CRB2: variants seen among roughly 807,000 people sequenced by gnomAD.
CRB2 encodes crumbs cell polarity complex component 2.
In CRB2, 85 loss-of-function variants were observed where a neutral mutation model predicts 110.9. That is an observed-to-expected ratio of 0.77 (90% confidence interval 0.64 to 0.92). The LOEUF is 0.92. Among genes scored for constraint, CRB2 ranks in the 40% least tolerant of loss-of-function variants. CRB2 has a pLI of 0.00. For missense variants in CRB2, 1,843 were observed against 1,851.3 expected, an observed-to-expected ratio of 1.00 and a Z score of 0.08; for synonymous variants, 907 against 831.0, an observed-to-expected ratio of 1.09 and a Z score of -1.57.
upstream of CRB2, among the ~76,000 whole-genome samples, chr9:123,355,069 C>T (rs2041783306): frequency 1.3e-5 from 2 of 152,220 alleles, no homozygotes; most frequent in South Asian, 4.1e-4. Flanking sequence ...CATGTATTGG[C>T]AGGGGCCGGT....
chr9:123,373,402 C>A lies in CRB2; in HGVS notation c.2871C>A (p.His957Gln). 6.9e-7 allele frequency: 1 copy of A among 1,442,432 alleles called. No homozygotes were observed. Among genetic ancestry groups the A allele is most frequent in the Non-Finnish European group, 9.1e-7 (1 of 1,103,232 alleles). 89.4% of individuals were successfully genotyped at this position (1,442,432 alleles called of 1,614,324 possible). ...PGPRVADGAW[H>Q]RVRLAMERPA... Reference sequence around the variant, plus strand: ...CGCGCGTGGCCGATGGTGCCTGGCACCGCGTGCGTCTGGCCATGGAGCGCC... The same window carrying A: ...CGCGCGTGGCCGATGGTGCCTGGCAACGCGTGCGTCTGGCCATGGAGCGCC... Residue 957 changes from histidine to glutamine, a missense_variant, in exon 10 of 13, where the codon CAC becomes CAA. Coordinates refer to ENST00000373631, the MANE Select transcript of CRB2 (RefSeq NM_173689.7).
Position 123,373,169 on chromosome 9 carries a change from G to C in CRB2, c.2638G>C (p.Ala880Pro). The C allele has an allele frequency of 6.6e-7, 1 of 1,513,930 alleles. No homozygotes were observed. The allele number at this position is 1,513,930 out of a possible 1,614,324, so 93.8% of individuals were successfully genotyped here. ...GGCCACGTTCCGCGAGGGTCCCCCC[G>C]CCGCGTTCAGCGGGCACAACGCGTC... Reference protein sequence around the residue: ...AEATFREGPPAAFSGHNASSG... With the variant: ...AEATFREGPPPAFSGHNASSG... Residue 880 changes from alanine to proline, a missense_variant, in exon 10 of 13, where the codon GCC becomes CCC. Ala to Pro is a conservative substitution (Grantham distance 27). Coordinates refer to ENST00000373631, the MANE Select transcript of CRB2 (RefSeq NM_173689.7).
chr9:123,376,904 C>CTCT lies in CRB2; in HGVS notation c.3702_3703insTTC (p.Leu1234_Leu1235insPhe). ...GGCCGTACCTGCAGCCTGTGCCTGCCTCCTCCTCCTCCTCCTGGGCCTCCT... is the reference window on the plus strand; with the variant it reads ...GGCCGTACCTGCAGCCTGTGCCTGCCTCTTCCTCCTCCTCCTCCTGGGCCTCCT... On this transcript the variant is annotated inframe_insertion, in exon 13 of 13. Transcript: ENST00000373631. 6.3e-7 allele frequency: 1 copy of CTCT among 1,587,936 alleles called. No individual in the cohort carries two copies. Among genetic ancestry groups the CTCT allele is most frequent in the Non-Finnish European group, 8.6e-7 (1 of 1,164,988 alleles).
Position 123,373,417 on chromosome 9 carries a change from CAT to C in CRB2, c.2887_2888del (p.Met963GlyfsTer29). The C allele has an allele frequency of 6.9e-7, 1 of 1,448,034 alleles. No individual in the cohort carries two copies. The highest frequency in any genetic ancestry group is 9.0e-7 in the Non-Finnish European group (1 of 1,105,816). The allele number at this position is 1,448,034 out of a possible 1,614,324, so 89.7% of individuals were successfully genotyped here. ...DGAWHRVRLA[M>X]ERPAATTSRW... is the part of the protein sequence containing the mutation. ...GTGCCTGGCACCGCGTGCGTCTGGCCATGGAGCGCCCGGCGGCCACCACCTCG... is the reference window on the plus strand; with the variant it reads ...GTGCCTGGCACCGCGTGCGTCTGGCCGGAGCGCCCGGCGGCCACCACCTCG... On this transcript the variant is annotated frameshift_variant, in exon 10 of 13. Coordinates refer to ENST00000373631, the MANE Select transcript of CRB2 (RefSeq NM_173689.7). LOFTEE classifies it high-confidence loss of function.
chr9:123,369,958 G>T, intron 6 of CRB2, 150 bp from the exon 7 acceptor site: 1 of 901,550 alleles, frequency 1.1e-6, no homozygotes, highest in East Asian at 2.4e-5. Flanking sequence ...TGGCCTACGG[G>T]GGGACTTGAG....
At chr9:123,368,006 AG>A (rs1484704622) in intron 6 of CRB2, among the ~76,000 whole-genome samples, 2 of 151,692 alleles carry the variant, frequency 1.3e-5, no homozygotes, top group Non-Finnish European at 2.9e-5. Context: ...GCAGAGAGTT[AG>A]GGGGCAGCAT....
intron 6 of CRB2, among the ~76,000 whole-genome samples, chr9:123,369,640 G>A (rs1442792431): frequency 1.3e-5 from 2 of 152,310 alleles, no homozygotes; most frequent in South Asian, 2.1e-4. Flanking sequence ...CAGGATTGAG[G>A]CTTGAGAGCC....
chr9:123,366,173 C>T (rs2041928423), intron 3 of CRB2, 54 bp from the exon 4 acceptor site: 7 of 1,379,364 alleles, frequency 5.1e-6, no homozygotes, highest in Non-Finnish European at 3.7e-6. Flanking sequence ...GGAGGCCAGG[C>T]GCGGGGCAGA....
Position 123,375,214 on chromosome 9 carries a change from C to T in CRB2, c.3507-3C>T. ...CGCTTTCTCAGCCCCCCTCCCTCTC[C>T]AGGTGTCAGGTCCCCACTCTCCCCT... On this transcript the variant is annotated splice_region_variant and splice_polypyrimidine_tract_variant and intron_variant, in intron 11 of 12. Transcript: ENST00000373631. The T allele has an allele frequency of 1.9e-6, 3 of 1,612,716 alleles. No individual in the cohort carries two copies. Among genetic ancestry groups the T allele is most frequent in the South Asian group, 1.1e-5 (1 of 90,888 alleles).
chr9:123,360,474 C>T (rs376995012), intron 1 of CRB2, among the ~76,000 whole-genome samples: 171 of 152,304 alleles, frequency 1.1e-3, no homozygotes, highest in Non-Finnish European at 2.2e-3. Context: ...CTCCTTGCCT[C>T]TCCTGTCTGG....
chr9:123,365,879 G>A (rs760381666), intron 2 of CRB2, 38 bp from the exon 3 acceptor site: 2 of 1,546,692 alleles, frequency 1.3e-6, no homozygotes, highest in African/African-American at 1.4e-5. Context: ...TGCTCTGGGT[G>A]TCCATCCTGC....
chr9:123,357,562 G>A (rs926895523), intron 1 of CRB2, among the ~76,000 whole-genome samples: 4 of 152,142 alleles, frequency 2.6e-5, no homozygotes, highest in Admixed American at 6.5e-5. Context: ...AGAGAGGGAC[G>A]GGGACTTATG....
Position 123,377,145 on chromosome 9 carries a change from G to C in CRB2, c.*83G>C. The C allele has an allele frequency of 8.0e-7, 1 of 1,255,586 alleles. No homozygotes were observed. Among genetic ancestry groups the C allele is most frequent in the Non-Finnish European group, 1.1e-6 (1 of 921,658 alleles). 77.8% of individuals were successfully genotyped at this position (1,255,586 alleles called of 1,614,324 possible). A position where few individuals can be genotyped will look rare whatever the true frequency, so the allele number is the denominator to read the frequency against. The stretch of plus-strand genomic sequence containing the variant: ...CCCAAGGAAGCTGCTTCCAGGGCTC[G>C]GGACATTGCTACGGAAGTGTCCCCT... On this transcript the variant is annotated 3_prime_UTR_variant, in exon 13 of 13. Coordinates refer to ENST00000373631, the MANE Select transcript of CRB2 (RefSeq NM_173689.7).
At position 123,365,883 on chromosome 9, in the gene CRB2, A is replaced by G. The variant is rs2041923500; in HGVS notation, c.419-34A>G. ...CTCTTCCGCCCTGCTCTGGGTGTCC[A>G]TCCTGCACCCTGTGTGTCCCCTGCC... On this transcript the variant is annotated intron_variant, in intron 2 of 12. Coordinates refer to ENST00000373631, the MANE Select transcript of CRB2 (RefSeq NM_173689.7). 2.6e-6 allele frequency: 4 copies of G among 1,567,464 alleles called. No individual in the cohort carries two copies. The South Asian group carries it at 4.5e-5, about 18-fold the overall frequency.
rs1293764654 is a variant in CRB2, at chr9:123,375,289, G to A, written c.3579G>A (p.Gly1193=). 6.2e-6 allele frequency: 10 copies of A among 1,611,914 alleles called. No homozygotes were observed. The highest frequency in any genetic ancestry group is 7.6e-6 in the Non-Finnish European group (9 of 1,178,990). Residue 1193 remains glycine (G), a synonymous_variant, in exon 12 of 13, where the codon GGG becomes GGA. Coordinates refer to ENST00000373631, the MANE Select transcript of CRB2 (RefSeq NM_173689.7). ...LNGGTCRAAG[G]VSECICNARF... is the part of the protein sequence containing the mutation. ...GGGGCACCTGCCGGGCAGCTGGAGG[G>A]GTGTCTGAATGTATCTGCAATGCCA...
chr9:123,373,786 G>T lies in CRB2; in HGVS notation c.3255G>T (p.Gly1085=), dbSNP rs762993495. The T allele has an allele frequency of 3.8e-6, 6 of 1,591,002 alleles. No individual in the cohort carries two copies. In the South Asian group the frequency reaches 5.6e-5, roughly 15 times the overall value. The change falls in exon 10 of 13, where the codon GGG becomes GGT. Residue 1085 remains glycine (G), a synonymous_variant. Transcript: ENST00000373631. ...CCTTTGCCTGCGCCTGCGGCCCGGG[G>T]TGGGAAGGCCCGCGCTGCGAAGCCC... The part of the protein sequence containing the change: ...FDAFACACGP[G]WEGPRCEAHV...
intron 1 of CRB2, among the ~76,000 whole-genome samples, chr9:123,359,452 T>TTG (rs2041841673): frequency 1.5e-5 from 2 of 132,566 alleles, no homozygotes; most frequent in African/African-American, 3.1e-5. Context: ...TTTTTTTTTT[T>TTG]TTTTTTTTTT....
chr9:123,378,231 A>T lies in CRB2; in HGVS notation c.*1169A>T, dbSNP rs2042135074. ...GCTGGGCCTGCAGAGGCCGACTCAG[A>T]GGAGACTCTGCTGCTTGCTCCCAGC... On this transcript the variant is annotated 3_prime_UTR_variant, in exon 13 of 13. Coordinates refer to ENST00000373631, the MANE Select transcript of CRB2 (RefSeq NM_173689.7). The T allele has an allele frequency of 2.0e-5, 3 of 152,278 alleles. No individual in the cohort carries two copies. The highest frequency in any genetic ancestry group is 7.2e-5 in the African/African-American group (3 of 41,452). 9.4% of individuals were successfully genotyped at this position (152,278 alleles called of 1,614,324 possible). A position where few individuals can be genotyped will look rare whatever the true frequency, so the allele number is the denominator to read the frequency against.
chr9:123,373,619 C>T lies in CRB2; in HGVS notation c.3088C>T (p.Arg1030Trp). The part of the protein sequence containing the change: ...GGLPLPLARP[R>W]PGAAPGAREH... Reference sequence around the variant, plus strand: ...CCTGCCCCTGCCCTTGGCGCGGCCCCGGCCCGGCGCGGCCCCTGGCGCCCG... The same window carrying T: ...CCTGCCCCTGCCCTTGGCGCGGCCCTGGCCCGGCGCGGCCCCTGGCGCCCG... Residue 1030 changes from arginine to tryptophan, a missense_variant, in exon 10 of 13, where the codon CGG becomes TGG. Physicochemically the swap from Arg to Trp is moderately radical, Grantham distance 101. Coordinates refer to ENST00000373631, the MANE Select transcript of CRB2 (RefSeq NM_173689.7). 5.2e-6 allele frequency: 7 copies of T among 1,358,004 alleles called. No homozygotes were observed. The highest frequency in any genetic ancestry group is 3.1e-5 in the East Asian group (1 of 31,782). The allele number at this position is 1,358,004 out of a possible 1,614,324, so 84.1% of individuals were successfully genotyped here.
Sources: gnomAD v4.1 joint callset for allele counts (sites outside exome capture counted in the v4.1 genomes callset) on GRCh38, gnomAD v4.1.1 for gene constraint, MANE v1.5 for transcripts, NCBI Gene and HGNC (gene_info 2026-07-23, HGNC 2026-07-21) for gene names.